ELF1: variants seen among roughly 807,000 people sequenced by gnomAD.
ELF1 encodes the protein E74 like ETS transcription factor 1, also known as ETS-related transcription factor Elf-1.
ELF1 carries 24 observed loss-of-function variants against 59.9 expected under a neutral mutation model. The observed-to-expected ratio is 0.40, with a 90% CI of 0.29 to 0.56. The LOEUF (loss-of-function observed/expected upper bound fraction) is 0.56, where lower values mean the gene tolerates loss of function less well. Ranked by LOEUF, ELF1 falls within the 20% of genes least tolerant of loss-of-function variation. The probability of loss-of-function intolerance (pLI) is 0.44; values close to 1 mark genes in which losing one functional copy is unlikely to be tolerated. For synonymous variants in ELF1, 248 were observed against 266.2 expected, an observed-to-expected ratio of 0.93 and a Z score of 0.67; for missense variants, 627 against 742.2, an observed-to-expected ratio of 0.84 and a Z score of 1.80.
intron 1 of ELF1, among the ~76,000 whole-genome samples, chr13:41,002,051 G>GT (rs921485158): frequency 7.9e-5 from 12 of 151,966 alleles, no homozygotes; most frequent in South Asian, 2.1e-4. Context: ...GTGGGGAGAA[G>GT]TTTTTTTACC....
chr13:41,019,116 T>G, intron 1 of ELF1, 112 bp downstream of exon 1: 2 of 866,282 alleles, frequency 2.3e-6, no homozygotes, highest in Non-Finnish European at 2.8e-6. Context: ...ACACATTTTA[T>G]CAGAGGGTTA....
At chr13:41,019,156 G>A (rs1593398774) in intron 1 of ELF1, 72 bp downstream of exon 1, 2 of 978,112 alleles carry the variant, frequency 2.0e-6, no homozygotes, top group Non-Finnish European at 2.4e-6. Context: ...TTCTTCAACA[G>A]GTAAGAACCA....
chr13:41,055,950 T>C (rs1877273141), intron 1 of ELF1, among the ~76,000 whole-genome samples: 1 of 152,040 alleles, frequency 6.6e-6, no homozygotes, highest in African/African-American at 2.4e-5. Flanking sequence ...AAATGTAAAA[T>C]CAAGAGAGAA....
chr13:40,963,304 A>T (rs568266651), intron 2 of ELF1, among the ~76,000 whole-genome samples: 2 of 152,266 alleles, frequency 1.3e-5, no homozygotes, highest in Admixed American at 1.3e-4. Flanking sequence ...ATAATTAAGG[A>T]GCTGTGTTTG....
At chr13:40,936,787 GA>G (rs1259439753) in intron 8 of ELF1, among the ~76,000 whole-genome samples, 1,796 of 140,494 alleles carry the variant, frequency 0.013, 34 homozygotes, top group African/African-American at 0.044. Context: ...AGAAAAAAAA[GA>G]AAAAAAAAAT....
intron 1 of ELF1, among the ~76,000 whole-genome samples, chr13:41,052,309 T>G (rs1247689709): frequency 6.6e-6 from 1 of 152,136 alleles, no homozygotes; most frequent in Non-Finnish European, 1.5e-5. Flanking sequence ...AGTGAACACT[T>G]CCATTAATCC....
intron 1 of ELF1, among the ~76,000 whole-genome samples, chr13:41,057,922 G>A (rs977448681): frequency 6.6e-6 from 1 of 152,164 alleles, no homozygotes; most frequent in African/African-American, 2.4e-5. Context: ...TTTCAACAAA[G>A]CAAGACAGAT....
At chr13:40,945,645 CTT>C (rs1870457668) in intron 5 of ELF1, among the ~76,000 whole-genome samples, 1 of 152,152 alleles carries the variant, frequency 6.6e-6, no homozygotes, top group South Asian at 2.1e-4. Context: ...GTCACTATCT[CTT>C]GAATATTGTC....
intron 5 of ELF1, among the ~76,000 whole-genome samples, chr13:40,948,879 A>AC (rs1381013798): frequency 6.6e-6 from 1 of 152,232 alleles, no homozygotes; most frequent in East Asian, 1.9e-4. Flanking sequence ...ACTAGACCTT[A>AC]CCCAAGGACA....
chr13:41,039,902 G>A (rs934854271), intron 1 of ELF1, among the ~76,000 whole-genome samples: 1 of 152,086 alleles, frequency 6.6e-6, no homozygotes. Flanking sequence ...GGCATGAATA[G>A]GCACTTCACA....
intron 2 of ELF1, among the ~76,000 whole-genome samples, chr13:40,961,597 C>T (rs750261304): frequency 6.6e-6 from 1 of 152,190 alleles, no homozygotes; most frequent in Non-Finnish European, 1.5e-5. Context: ...TATACCGTAA[C>T]TCACATAAAT....
At chr13:41,048,543 G>A (rs1383999434) in intron 1 of ELF1, among the ~76,000 whole-genome samples, 1 of 151,964 alleles carries the variant, frequency 6.6e-6, no homozygotes, top group Non-Finnish European at 1.5e-5. Flanking sequence ...AGCCTCCCGA[G>A]TAGCTGGGAT....
At chr13:41,030,761 AG>A (rs1876125999) in intron 1 of ELF1, among the ~76,000 whole-genome samples, 1 of 151,282 alleles carries the variant, frequency 6.6e-6, no homozygotes, top group South Asian at 2.1e-4. Context: ...ACACATAAAA[AG>A]AAAGTAATTT....
chr13:41,034,310 A>G (rs903680966), intron 1 of ELF1, among the ~76,000 whole-genome samples: 7 of 152,200 alleles, frequency 4.6e-5, no homozygotes, highest in Admixed American at 3.9e-4. Context: ...AAATCCTAAT[A>G]AAGTCTACAG....
At chr13:40,949,241 C>T (rs958542843) in intron 5 of ELF1, among the ~76,000 whole-genome samples, 58 of 152,284 alleles carry the variant, frequency 3.8e-4, no homozygotes, top group African/African-American at 1.4e-3. Flanking sequence ...CCACCCCCAC[C>T]TCCCAAAGTG....
At chr13:41,028,934 G>A (rs529461008) in intron 1 of ELF1, among the ~76,000 whole-genome samples, 10 of 151,572 alleles carry the variant, frequency 6.6e-5, no homozygotes, top group East Asian at 5.8e-4. Flanking sequence ...TTTTAGAGAC[G>A]GGGTTTCACC....
chr13:40,959,177 A>AT lies in ELF1; in HGVS notation c.73-162dup, dbSNP rs1300977717. Among the ~76,000 whole-genome samples, 5 of 152,292 alleles carry AT rather than the reference A, an allele frequency of 3.3e-5. No homozygotes were observed. The East Asian group carries it at 9.6e-4, about 29-fold the overall frequency. Reference sequence around the variant, plus strand: ...TCTAGGCATTAGGTAATTTGTATCTATTACAACCAAATAATGGCATTAAAA... The same window carrying AT: ...TCTAGGCATTAGGTAATTTGTATCTATTTACAACCAAATAATGGCATTAAAA... On this transcript the variant is annotated intron_variant, in intron 2 of 8. Coordinates refer to ENST00000239882, the MANE Select transcript of ELF1 (RefSeq NM_172373.4).
intron 1 of ELF1, among the ~76,000 whole-genome samples, chr13:41,006,919 A>T (rs1252219477): frequency 2.6e-5 from 4 of 152,192 alleles, no homozygotes; most frequent in Non-Finnish European, 5.9e-5. Context: ...CATGCTGTAT[A>T]TATTCTTCCA....
chr13:40,962,397 G>C (rs1460342441), intron 2 of ELF1, among the ~76,000 whole-genome samples: 3 of 152,138 alleles, frequency 2.0e-5, no homozygotes, highest in South Asian at 4.1e-4. Flanking sequence ...TAAAAAAAGA[G>C]AGTGGCCAGG....
Sources: allele counts gnomAD v4.1 joint callset (sites outside exome capture counted in the v4.1 genomes callset), GRCh38; gene constraint gnomAD v4.1.1; transcripts MANE v1.5; gene names NCBI Gene and HGNC (gene_info 2026-07-23, HGNC 2026-07-21).